FANCC: variants seen among roughly 807,000 people sequenced by gnomAD.
FANCC encodes FA complementation group C.
Under a neutral mutation model 71.3 loss-of-function variants are expected in FANCC, and 55 were observed. The observed-to-expected ratio is 0.77, with a 90% CI of 0.62 to 0.97. FANCC has a LOEUF of 0.97. Ranked by LOEUF, FANCC falls within the 50% of genes least tolerant of loss-of-function variation. The pLI is 0.00. For missense variants in FANCC, 678 were observed against 670.9 expected (o/e 1.01, Z -0.12); for synonymous variants, 275 against 244.9 (o/e 1.12, Z -1.15).
chr9:95,202,200 A>G (rs754207330), intron 4 of FANCC, among the ~76,000 whole-genome samples: 59 of 152,352 alleles, frequency 3.9e-4, no homozygotes, highest in South Asian at 1.0e-3. Flanking sequence ...CGGAGACTAA[A>G]AGGAAGGCTC....
intron 7 of FANCC, among the ~76,000 whole-genome samples, chr9:95,138,052 G>C (rs1294388721): frequency 6.6e-6 from 1 of 152,252 alleles, no homozygotes; most frequent in African/African-American, 2.4e-5. Context: ...AGTGGGAAAG[G>C]CTGAAAAGCA....
intron 7 of FANCC, among the ~76,000 whole-genome samples, chr9:95,137,903 G>A (rs1827951314): frequency 6.6e-6 from 1 of 152,270 alleles, no homozygotes; most frequent in African/African-American, 2.4e-5. Context: ...ATGGCAGAGA[G>A]AGGAGAGGAG....
intron 3 of FANCC, 79 bp from the exon 4 acceptor site, chr9:95,240,822 G>C (rs1203073497): frequency 2.4e-6 from 2 of 836,856 alleles, no homozygotes; most frequent in Admixed American, 3.9e-5. Flanking sequence ...ATTATATTTA[G>C]GAAAATCTCA....
intron 4 of FANCC, among the ~76,000 whole-genome samples, chr9:95,189,201 T>TC (rs571504175): frequency 1.3e-5 from 2 of 152,150 alleles, no homozygotes; most frequent in Middle Eastern, 3.4e-3. Flanking sequence ...GTTTTTTTTT[T>TC]CCCTTTTTAA....
At chr9:95,119,288 C>T (rs770032369) in intron 10 of FANCC, among the ~76,000 whole-genome samples, 1 of 151,984 alleles carries the variant, frequency 6.6e-6, no homozygotes, top group East Asian at 1.9e-4. Flanking sequence ...GACACAAGTC[C>T]TCTGTTGTAT....
At chr9:95,199,618 C>A (rs957986804) in intron 4 of FANCC, among the ~76,000 whole-genome samples, 4 of 152,170 alleles carry the variant, frequency 2.6e-5, no homozygotes, top group Non-Finnish European at 5.9e-5. Context: ...CAGCACAGCA[C>A]AGACAGTGCC....
At chr9:95,106,027 T>A (rs559177219) in intron 14 of FANCC, among the ~76,000 whole-genome samples, 3 of 152,308 alleles carry the variant, frequency 2.0e-5, no homozygotes, top group Non-Finnish European at 2.9e-5. Context: ...AGTTTGGCTG[T>A]TTGAGGAACC....
chr9:95,170,123 T>G (rs1274173010), intron 6 of FANCC, among the ~76,000 whole-genome samples: 1 of 152,196 alleles, frequency 6.6e-6, no homozygotes, highest in Admixed American at 6.5e-5. Flanking sequence ...AAGGTCTTTT[T>G]GAATAAATTT....
At chr9:95,192,281 C>A (rs1827162584) in intron 4 of FANCC, among the ~76,000 whole-genome samples, 1 of 152,144 alleles carries the variant, frequency 6.6e-6, no homozygotes, top group Non-Finnish European at 1.5e-5. Flanking sequence ...TGGTGGTAGT[C>A]ACCTTCACTT....
intron 4 of FANCC, among the ~76,000 whole-genome samples, chr9:95,225,511 A>C (rs1338058519): frequency 6.6e-6 from 1 of 152,210 alleles, no homozygotes; most frequent in Non-Finnish European, 1.5e-5. Context: ...TGTTTTACTA[A>C]CTAAGCCAAC....
chr9:95,114,780 G>A (rs1016670429), intron 11 of FANCC, 70 bp from the exon 12 acceptor site: 1 of 1,329,810 alleles, frequency 7.5e-7, no homozygotes, highest in African/African-American at 1.4e-5. Context: ...CCACCTGCAG[G>A]GATGACCTGA....
chr9:95,214,482 C>A (rs1828724222), intron 4 of FANCC, among the ~76,000 whole-genome samples: 1 of 151,996 alleles, frequency 6.6e-6, no homozygotes, highest in African/African-American at 2.4e-5. Flanking sequence ...ACCAGATGAT[C>A]CAGCAATTCC....
At chr9:95,123,209 G>A (rs763034059) in intron 10 of FANCC, 1 of 203,028 alleles carries the variant, frequency 4.9e-6, no homozygotes, top group Admixed American at 5.5e-5. Context: ...AGGCTGAGGT[G>A]GGGGGATCGC....
At chr9:95,200,358 G>A (rs2135799126) in intron 4 of FANCC, among the ~76,000 whole-genome samples, 1 of 152,338 alleles carries the variant, frequency 6.6e-6, no homozygotes, top group South Asian at 2.1e-4. Context: ...TCAGAGAGTT[G>A]GTGAGGGAAT....
chr9:95,150,675 C>A (rs1056439461), intron 6 of FANCC, among the ~76,000 whole-genome samples: 1 of 152,214 alleles, frequency 6.6e-6, no homozygotes. Context: ...TTTGCAATGG[C>A]TTCTCACCTC....
chr9:95,115,858 C>A (rs193183284), intron 11 of FANCC, among the ~76,000 whole-genome samples: 42 of 152,340 alleles, frequency 2.8e-4, no homozygotes, highest in Non-Finnish European at 4.7e-4. Flanking sequence ...TCTACACAGT[C>A]AGGGCTCGTA....
chr9:95,312,603 C>A (rs1478468125), intron 1 of FANCC, among the ~76,000 whole-genome samples: 1 of 152,238 alleles, frequency 6.6e-6, no homozygotes, highest in Non-Finnish European at 1.5e-5. Context: ...TCTCCCAAGC[C>A]CTGCGGCCTC....
chr9:95,136,245 T>G (rs79914832), intron 7 of FANCC, among the ~76,000 whole-genome samples: 2 of 151,878 alleles, frequency 1.3e-5, no homozygotes, highest in Non-Finnish European at 2.9e-5. Flanking sequence ...ATTTTTTTTT[T>G]AAATTAGCCT....
At chr9:95,262,723 T>A (rs557931276) in intron 1 of FANCC, among the ~76,000 whole-genome samples, 1 of 152,282 alleles carries the variant, frequency 6.6e-6, no homozygotes, top group South Asian at 2.1e-4. Context: ...CAAATATCCA[T>A]CAGTGGAGAA....
Sources: allele counts gnomAD v4.1 joint callset (sites outside exome capture counted in the v4.1 genomes callset), GRCh38; gene constraint gnomAD v4.1.1; transcripts MANE v1.5; gene names NCBI Gene and HGNC (gene_info 2026-07-23, HGNC 2026-07-21).